XYLT1: variants seen among roughly 807,000 people sequenced by gnomAD.
XYLT1 encodes the protein beta-D-xylosyltransferase 1.
Under a neutral mutation model 91.3 loss-of-function variants are expected in XYLT1, and 36 were observed. The ratio of observed to expected loss-of-function variants is 0.39; its 90% CI spans 0.30 to 0.52. The LOEUF (loss-of-function observed/expected upper bound fraction) is 0.52. XYLT1 is among the 20% of genes least tolerant of loss of function. The pLI, the probability that XYLT1 is intolerant of heterozygous loss-of-function variation, is 0.68. For synonymous variants in XYLT1, 588 were observed against 532.0 expected (o/e 1.11, Z -1.45); for missense variants, 1,242 against 1,284.5 (o/e 0.97, Z 0.51).
chr16:17,355,039 T>C (rs2035275135), intron 2 of XYLT1: 1 of 152,502 alleles, frequency 6.6e-6, no homozygotes, highest in African/African-American at 2.4e-5. Flanking sequence ...TGATGGAGCA[T>C]CGTTTGCAGA....
At chr16:17,257,566 G>A (rs1373901409) in intron 3 of XYLT1, among the ~76,000 whole-genome samples, 7 of 152,138 alleles carry the variant, frequency 4.6e-5, no homozygotes, top group Non-Finnish European at 8.8e-5. Flanking sequence ...TGGTGGCAGG[G>A]GCTAGCGGGA....
intron 2 of XYLT1, among the ~76,000 whole-genome samples, chr16:17,264,080 T>C (rs770648996): frequency 3.9e-5 from 6 of 152,212 alleles, no homozygotes; most frequent in Non-Finnish European, 7.3e-5. Flanking sequence ...ACTATAGTAC[T>C]ATATGCAACA....
intron 1 of XYLT1, among the ~76,000 whole-genome samples, chr16:17,358,710 C>T (rs967454371): frequency 1.3e-5 from 2 of 152,086 alleles, no homozygotes; most frequent in African/African-American, 4.8e-5. Context: ...GTATCCAAAC[C>T]CTCTATAAGG....
chr16:17,200,788 A>AAT, intron 3 of XYLT1, 134 bp from the exon 4 acceptor site: 1 of 935,494 alleles, frequency 1.1e-6, no homozygotes, highest in Non-Finnish European at 1.6e-6. Flanking sequence ...TTAAAACATA[A>AAT]TTCAATGCCA....
intron 2 of XYLT1, among the ~76,000 whole-genome samples, chr16:17,345,505 G>C (rs947132818): frequency 2.6e-5 from 4 of 152,224 alleles, no homozygotes; most frequent in African/African-American, 9.6e-5. Context: ...ACTTCCACAA[G>C]AGAGAAAAGG....
chr16:17,252,338 C>T (rs567686461), intron 3 of XYLT1, among the ~76,000 whole-genome samples: 8 of 152,302 alleles, frequency 5.3e-5, no homozygotes, highest in African/African-American at 1.9e-4. Flanking sequence ...AATTAAACCC[C>T]ATTGCCCAAG....
At chr16:17,227,249 G>C (rs1365884594) in intron 3 of XYLT1, 1 of 152,442 alleles carries the variant, frequency 6.6e-6, no homozygotes, top group Non-Finnish European at 1.5e-5. Context: ...AGACTTCATG[G>C]ACAGGATGGC....
At chr16:17,216,820 C>T (rs2032869714) in intron 3 of XYLT1, among the ~76,000 whole-genome samples, 1 of 152,304 alleles carries the variant, frequency 6.6e-6, no homozygotes, top group East Asian at 1.9e-4. Context: ...ACTCTGTCAT[C>T]CTGCCTCTTG....
At chr16:17,131,006 T>G (rs1239640267) in intron 9 of XYLT1, among the ~76,000 whole-genome samples, 1 of 152,168 alleles carries the variant, frequency 6.6e-6, no homozygotes, top group Non-Finnish European at 1.5e-5. Flanking sequence ...GATCTTATAT[T>G]CTGGTTTACT....
chr16:17,329,831 T>C lies in XYLT1; in HGVS notation c.402+28181A>G, dbSNP rs183364530. On this transcript the variant is annotated intron_variant, in intron 2 of 11. Transcript: ENST00000261381. ...GGATCCCACCTTGGTGACATACAGA[T>C]TGTGTATCCCCAGGCAAGGTACCTG... Among the ~76,000 whole-genome samples the C allele has an allele frequency of 2.1e-3, 324 of 152,296 alleles. 3 individuals are homozygous for C. The highest frequency in any genetic ancestry group is 8.8e-4 in the Non-Finnish European group (60 of 68,030).
chr16:17,327,080 G>T (rs550489740), intron 2 of XYLT1, among the ~76,000 whole-genome samples: 4 of 152,130 alleles, frequency 2.6e-5, no homozygotes, highest in Non-Finnish European at 5.9e-5. Context: ...AGGAGCTAAT[G>T]GACAGCACGG....
At chr16:17,348,840 T>C (rs546422150) in intron 2 of XYLT1, among the ~76,000 whole-genome samples, 16 of 152,222 alleles carry the variant, frequency 1.1e-4, no homozygotes, top group Non-Finnish European at 2.1e-4. Context: ...AGCTCCGCAG[T>C]ATGCACAGCC....
At chr16:17,252,292 G>A (rs886666666) in intron 3 of XYLT1, among the ~76,000 whole-genome samples, 20 of 152,272 alleles carry the variant, frequency 1.3e-4, no homozygotes, top group African/African-American at 4.1e-4. Flanking sequence ...GTCACTGAGC[G>A]GTTAGGGTTA....
intron 3 of XYLT1, among the ~76,000 whole-genome samples, chr16:17,225,730 T>C (rs1227151832): frequency 6.6e-6 from 1 of 152,212 alleles, no homozygotes; most frequent in Non-Finnish European, 1.5e-5. Flanking sequence ...CCGGTTCTTT[T>C]GGCAGGCTTA....
At chr16:17,398,668 G>A (rs2035921276) in intron 1 of XYLT1, among the ~76,000 whole-genome samples, 1 of 152,086 alleles carries the variant, frequency 6.6e-6, no homozygotes, top group Non-Finnish European at 1.5e-5. Context: ...TGAAGCCTGT[G>A]AGAAAGAATG....
At chr16:17,191,593 CAGTA>C (rs2032311148) in intron 5 of XYLT1, among the ~76,000 whole-genome samples, 1 of 152,210 alleles carries the variant, frequency 6.6e-6, no homozygotes, top group Non-Finnish European at 1.5e-5. Context: ...AGTAGGTGTG[CAGTA>C]AGTGTCTGCT....
chr16:17,319,692 C>T (rs966250625), intron 2 of XYLT1, among the ~76,000 whole-genome samples: 22 of 152,164 alleles, frequency 1.4e-4, no homozygotes, highest in African/African-American at 4.8e-4. Flanking sequence ...CCTCCCATGT[C>T]GGCCTCCCAA....
intron 1 of XYLT1, among the ~76,000 whole-genome samples, chr16:17,368,503 C>A (rs937115276): frequency 2.0e-5 from 3 of 150,864 alleles, no homozygotes; most frequent in Admixed American, 6.6e-5. Context: ...CTTCAATAAA[C>A]CCACATTCTA....
At chr16:17,112,783 C>T (rs1187442345) in intron 11 of XYLT1, among the ~76,000 whole-genome samples, 1 of 152,206 alleles carries the variant, frequency 6.6e-6, no homozygotes, top group South Asian at 2.1e-4. Flanking sequence ...TTTCTGCTTG[C>T]TCTGCACAAA....
Sources: gnomAD v4.1 joint callset for allele counts (sites outside exome capture counted in the v4.1 genomes callset) on GRCh38, gnomAD v4.1.1 for gene constraint, MANE v1.5 for transcripts, NCBI Gene and HGNC (gene_info 2026-07-23, HGNC 2026-07-21) for gene names.